C2orf66: variants seen among roughly 807,000 people sequenced by gnomAD.
C2orf66 encodes uncharacterized protein C2orf66.
A neutral mutation model predicts 7.0 loss-of-function variants in C2orf66; 6 were observed. The observed-to-expected ratio is 0.86, with a 90% CI of 0.47 to 1.69. The LOEUF is 1.69. Among genes scored for constraint, C2orf66 ranks in the 40% most tolerant of loss-of-function variants. C2orf66 has a pLI of 0.01. For synonymous variants in C2orf66, 38 were observed against 43.8 expected (o/e 0.87, Z 0.52); for missense variants, 107 against 112.0 (o/e 0.96, Z 0.20).
chr2:196,822,913 G>A, the C2orf66 span, among the ~76,000 whole-genome samples: 2 of 151,774 alleles, frequency 1.3e-5, no homozygotes, highest in Non-Finnish European at 2.9e-5. Flanking sequence ...GTTATATGTA[G>A]GGCAATCTGT....
chr2:196,822,829 G>C, the C2orf66 span, among the ~76,000 whole-genome samples: 2 of 152,048 alleles, frequency 1.3e-5, no homozygotes, highest in Non-Finnish European at 1.5e-5. Flanking sequence ...ACCTTTTTCA[G>C]TTGGAGAATT....
chr2:196,819,718 G>A, the C2orf66 span, among the ~76,000 whole-genome samples: 1 of 152,164 alleles, frequency 6.6e-6, no homozygotes, highest in African/African-American at 2.4e-5. Context: ...GCCTGGCACA[G>A]TGTAGTTATA....
the C2orf66 span, among the ~76,000 whole-genome samples, chr2:196,830,910 G>C: frequency 3.9e-5 from 6 of 152,042 alleles, no homozygotes; most frequent in South Asian, 1.2e-3. Context: ...GGGGAACAAG[G>C]GGGCTAATTC....
chr2:196,831,817 CT>C, the C2orf66 span, among the ~76,000 whole-genome samples: 4 of 152,134 alleles, frequency 2.6e-5, no homozygotes, highest in Admixed American at 6.5e-5. Flanking sequence ...CATTATCCCC[CT>C]TATAAGGTTA....
chr2:196,809,522 C>T, upstream of C2orf66: 2 of 716,986 alleles, frequency 2.8e-6, no homozygotes, highest in Non-Finnish European at 2.3e-6. Context: ...AATGAGGACC[C>T]CAAAATGCAA....
At chr2:196,820,461 G>T in the C2orf66 span, among the ~76,000 whole-genome samples, 51 of 152,220 alleles carry the variant, frequency 3.4e-4, no homozygotes, top group Admixed American at 2.5e-3. Flanking sequence ...AAACTTTAAG[G>T]ATGGCTTGCC....
At chr2:196,822,996 G>A in the C2orf66 span, among the ~76,000 whole-genome samples, 1 of 145,802 alleles carries the variant, frequency 6.9e-6, no homozygotes, top group Non-Finnish European at 1.5e-5. Flanking sequence ...CAAGTGTCTT[G>A]TTGTTTAAAT....
At chr2:196,828,275 CACAA>C in the C2orf66 span, among the ~76,000 whole-genome samples, 7 of 144,016 alleles carry the variant, frequency 4.9e-5, no homozygotes, top group African/African-American at 1.9e-4. Flanking sequence ...CACACACACA[CACAA>C]AGCAACCTAG....
At chr2:196,818,913 C>A in the C2orf66 span, among the ~76,000 whole-genome samples, 1 of 152,222 alleles carries the variant, frequency 6.6e-6, no homozygotes. Flanking sequence ...TGCATCACAT[C>A]TCCTTCTCAT....
the C2orf66 span, among the ~76,000 whole-genome samples, chr2:196,817,853 C>T: frequency 2.0e-5 from 3 of 152,194 alleles, no homozygotes; most frequent in South Asian, 2.1e-4. Flanking sequence ...AAATATGGCT[C>T]GTTTTGCCCA....
upstream of C2orf66, among the ~76,000 whole-genome samples, chr2:196,810,577 G>A (rs1454709430): frequency 6.6e-5 from 10 of 152,326 alleles, no homozygotes; most frequent in Admixed American, 1.3e-4. Flanking sequence ...ATGGTAGGCC[G>A]AGAAATTGGA....
At chr2:196,811,217 T>A (rs1005425318), upstream of C2orf66, among the ~76,000 whole-genome samples, 1 of 152,214 alleles carries the variant, frequency 6.6e-6, no homozygotes, top group African/African-American at 2.4e-5. Context: ...GGAGAGGTAG[T>A]CAGATTATGA....
the C2orf66 span, among the ~76,000 whole-genome samples, chr2:196,823,432 G>A: frequency 6.6e-6 from 1 of 152,006 alleles, no homozygotes; most frequent in African/African-American, 2.4e-5. Context: ...AGACCAGCTT[G>A]GGCAACATGG....
chr2:196,816,113 T>C, the C2orf66 span, among the ~76,000 whole-genome samples: 303 of 152,282 alleles, frequency 2.0e-3, 2 homozygotes, highest in African/African-American at 6.8e-3. Flanking sequence ...CCTCTTGTGA[T>C]AAACAGAACA....
At chr2:196,817,120 G>A in the C2orf66 span, among the ~76,000 whole-genome samples, 1 of 151,772 alleles carries the variant, frequency 6.6e-6, no homozygotes, top group African/African-American at 2.4e-5. Context: ...AATAGGACAA[G>A]GGCAAAATCA....
the C2orf66 span, among the ~76,000 whole-genome samples, chr2:196,829,513 C>G: frequency 1.3e-5 from 2 of 151,186 alleles, no homozygotes; most frequent in Non-Finnish European, 2.9e-5. Context: ...CACTTGAACC[C>G]CAGGGGCAAA....
the C2orf66 span, among the ~76,000 whole-genome samples, chr2:196,831,294 C>T: frequency 6.6e-6 from 1 of 152,116 alleles, no homozygotes; most frequent in Non-Finnish European, 1.5e-5. Flanking sequence ...TTGCACACCC[C>T]AGAACCTTCG....
At chr2:196,823,996 T>C in the C2orf66 span, among the ~76,000 whole-genome samples, 1 of 152,142 alleles carries the variant, frequency 6.6e-6, no homozygotes. Flanking sequence ...CAGAGTTGCA[T>C]GAAATATCTA....
At chr2:196,824,728 T>A in the C2orf66 span, among the ~76,000 whole-genome samples, 1 of 152,210 alleles carries the variant, frequency 6.6e-6, no homozygotes, top group African/African-American at 2.4e-5. Flanking sequence ...AATACAAGTA[T>A]ACACAGATAT....
Sources: gnomAD v4.1 joint callset for allele counts (sites outside exome capture counted in the v4.1 genomes callset) on GRCh38, gnomAD v4.1.1 for gene constraint, MANE v1.5 for transcripts, NCBI Gene and HGNC (gene_info 2026-07-23, HGNC 2026-07-21) for gene names.